CPAP: variants seen among roughly 807,000 people sequenced by gnomAD.
CPAP encodes the protein centrosomal P4.1-associated protein.
At chr13:24,911,992 T>G in the CPAP span, 1 of 1,614,190 alleles carries the variant, frequency 6.2e-7, no homozygotes, top group African/African-American at 1.3e-5. Flanking sequence ...GCTTCTCTTG[T>G]TCTTCCATGA....
the CPAP span, chr13:24,892,529 A>G: frequency 1.2e-6 from 1 of 820,984 alleles, no homozygotes; most frequent in Non-Finnish European, 2.1e-6. Context: ...GTCACTCCCC[A>G]CTGCCCCCCC....
At chr13:24,905,241 C>A in the CPAP span, 2 of 1,100,072 alleles carry the variant, frequency 1.8e-6, no homozygotes, top group Non-Finnish European at 2.7e-6. Context: ...TGACTTAATT[C>A]TATTGAGCAA....
the CPAP span, among the ~76,000 whole-genome samples, chr13:24,921,426 T>C: frequency 1.3e-5 from 2 of 152,306 alleles, no homozygotes; most frequent in African/African-American, 2.4e-5. Flanking sequence ...TCTTCCCAAA[T>C]AAAACGTTAA....
At chr13:24,906,988 A>G in the CPAP span, 1 of 1,605,146 alleles carries the variant, frequency 6.2e-7, no homozygotes, top group Non-Finnish European at 8.5e-7. Flanking sequence ...TATTTGAATT[A>G]ATTTTGGTAT....
At chr13:24,924,113 G>T in the CPAP span, among the ~76,000 whole-genome samples, 1 of 152,100 alleles carries the variant, frequency 6.6e-6, no homozygotes, top group African/African-American at 2.4e-5. Context: ...AATTACAGGC[G>T]TGAGCCACCG....
the CPAP span, chr13:24,912,651 G>A: frequency 6.2e-7 from 1 of 1,613,696 alleles, no homozygotes; most frequent in East Asian, 2.2e-5. Flanking sequence ...GATCTGGGAT[G>A]AAGTCATTTT....
At chr13:24,921,258 A>G in the CPAP span, among the ~76,000 whole-genome samples, 1 of 152,226 alleles carries the variant, frequency 6.6e-6, no homozygotes, top group Non-Finnish European at 1.5e-5. Flanking sequence ...CCCACTCGGT[A>G]GGACCTGCTG....
chr13:24,921,351 C>G, the CPAP span, among the ~76,000 whole-genome samples: 2 of 71,174 alleles, frequency 2.8e-5, no homozygotes, highest in Non-Finnish European at 6.3e-5. Context: ...AAACCTCCAG[C>G]TTTCTCTTTG....
the CPAP span, among the ~76,000 whole-genome samples, chr13:24,888,377 T>G: frequency 2.6e-5 from 4 of 151,698 alleles, no homozygotes; most frequent in African/African-American, 9.7e-5. Flanking sequence ...CACACACACA[T>G]CCAAAATTTT....
the CPAP span, among the ~76,000 whole-genome samples, chr13:24,893,187 G>A: frequency 1.1e-4 from 16 of 152,282 alleles, no homozygotes; most frequent in East Asian, 9.6e-4. Context: ...ATCCAGGGGG[G>A]AGATCCCAAA....
chr13:24,929,392 A>G, the CPAP span, among the ~76,000 whole-genome samples: 5 of 152,268 alleles, frequency 3.3e-5, no homozygotes, highest in Non-Finnish European at 7.3e-5. Context: ...TAGTTTTGAC[A>G]GATACAGAAT....
chr13:24,927,178 G>A, the CPAP span, among the ~76,000 whole-genome samples: 1 of 152,150 alleles, frequency 6.6e-6, no homozygotes, highest in Non-Finnish European at 1.5e-5. Flanking sequence ...TCATCTTTGG[G>A]AATGGGACCT....
the CPAP span, chr13:24,909,851 C>G: frequency 1.2e-6 from 2 of 1,613,986 alleles, no homozygotes; most frequent in Non-Finnish European, 1.7e-6. Flanking sequence ...CTTCTTGATA[C>G]TGTGCCTCAG....
At chr13:24,890,174 C>T in the CPAP span, among the ~76,000 whole-genome samples, 1 of 152,178 alleles carries the variant, frequency 6.6e-6, no homozygotes, top group Non-Finnish European at 1.5e-5. Context: ...GCCATGATTC[C>T]TACAAGTACC....
At chr13:24,892,780 G>A in the CPAP span, 7 of 1,613,636 alleles carry the variant, frequency 4.3e-6, no homozygotes, top group African/African-American at 1.3e-5. Flanking sequence ...ATTTGTATCT[G>A]GCTTCTGAGA....
the CPAP span, among the ~76,000 whole-genome samples, chr13:24,896,396 G>A: frequency 6.6e-6 from 1 of 152,252 alleles, no homozygotes; most frequent in East Asian, 1.9e-4. Flanking sequence ...GCATGGTGCA[G>A]TGTGGCAGCC....
At chr13:24,923,187 G>A in the CPAP span, among the ~76,000 whole-genome samples, 6 of 152,098 alleles carry the variant, frequency 3.9e-5, no homozygotes, top group African/African-American at 1.2e-4. Context: ...AGGGAGCACG[G>A]AGAGTCAAAG....
At chr13:24,933,823 C>T in the CPAP span, among the ~76,000 whole-genome samples, 3 of 152,022 alleles carry the variant, frequency 2.0e-5, no homozygotes, top group African/African-American at 7.2e-5. Context: ...CTCCTGAGTT[C>T]AAGCAATTCT....
the CPAP span, chr13:24,892,612 C>T: frequency 2.6e-6 from 4 of 1,555,204 alleles, no homozygotes; most frequent in Non-Finnish European, 3.5e-6. Context: ...CTCCCCCTGG[C>T]CTGACACAAC....
Sources: gnomAD v4.1 joint callset for allele counts (sites outside exome capture counted in the v4.1 genomes callset) on GRCh38, gnomAD v4.1.1 for gene constraint, MANE v1.5 for transcripts, NCBI Gene and HGNC (gene_info 2026-07-23, HGNC 2026-07-21) for gene names.